The following BCHE variants were observed in gnomAD, a reference collection of about 807,000 sequenced individuals.
BCHE encodes butyrylcholinesterase.
A neutral mutation model predicts 51.3 loss-of-function variants in BCHE; 48 were observed. That is an observed-to-expected ratio of 0.94 (90% CI 0.74 to 1.19). BCHE has a LOEUF of 1.19. Ranked by LOEUF, BCHE falls within the 50% of genes most tolerant of loss-of-function variation. The probability of loss-of-function intolerance (pLI) is 0.00; values close to 1 mark genes in which losing one functional copy is unlikely to be tolerated. For synonymous variants in BCHE, 251 were observed against 238.0 expected (o/e 1.05, Z -0.50); for missense variants, 847 against 708.2 (o/e 1.20, Z -2.23).
At chr3:165,793,331 C>T (rs1412443748) in intron 2 of BCHE, among the ~76,000 whole-genome samples, 1 of 152,202 alleles carries the variant, frequency 6.6e-6, no homozygotes, top group Non-Finnish European at 1.5e-5. Context: ...CTATTCTCCT[C>T]CTACCATCTC....
At chr3:165,784,206 G>T (rs1171586290) in intron 3 of BCHE, among the ~76,000 whole-genome samples, 1 of 151,886 alleles carries the variant, frequency 6.6e-6, no homozygotes, top group Non-Finnish European at 1.5e-5. Flanking sequence ...AATATTTGAA[G>T]TTTTGTGACT....
At chr3:165,829,205 A>G (rs1449712275) in intron 2 of BCHE, among the ~76,000 whole-genome samples, 1 of 152,118 alleles carries the variant, frequency 6.6e-6, no homozygotes, top group African/African-American at 2.4e-5. Flanking sequence ...TTCTCACATT[A>G]ATTTTAGTTC....
Position 165,775,385 on chromosome 3 carries a change from G to C in BCHE, c.1685-1879C>G, listed in dbSNP as rs967414773. The stretch of plus-strand genomic sequence containing the variant: ...AATCACAATTTTTTGGTGAATAATA[G>C]AACTTCTATAAAGGGTCAAAAAAGA... On this transcript the variant is annotated intron_variant, in intron 3 of 3. Coordinates refer to ENST00000264381, the MANE Select transcript of BCHE (RefSeq NM_000055.4). 3.2e-4 allele frequency among the ~76,000 whole-genome samples: 49 copies of C among 151,806 alleles called. 1 individual carries two copies. Among genetic ancestry groups the C allele is most frequent in the Admixed American group, 3.1e-3 (47 of 15,242 alleles).
intron 2 of BCHE, 69 bp downstream of exon 2, chr3:165,829,448 G>A: frequency 7.6e-7 from 1 of 1,321,514 alleles, no homozygotes; most frequent in Non-Finnish European, 1.1e-6. Flanking sequence ...GTCTACCCCA[G>A]AGACCAAGCA....
intron 3 of BCHE, among the ~76,000 whole-genome samples, chr3:165,782,329 G>A (rs1162019737): frequency 1.3e-5 from 2 of 152,054 alleles, no homozygotes; most frequent in East Asian, 1.9e-4. Flanking sequence ...GTTTTGGGGA[G>A]ATAGAAAAGA....
chr3:165,773,608 A>G, intron 3 of BCHE, 102 bp from the exon 4 acceptor site: 3 of 893,148 alleles, frequency 3.4e-6, no homozygotes, highest in Non-Finnish European at 5.1e-6. Context: ...ACTACACAGT[A>G]CAGCATTATT....
intron 3 of BCHE, among the ~76,000 whole-genome samples, chr3:165,776,666 A>T (rs1418282266): frequency 1.3e-5 from 2 of 151,670 alleles, no homozygotes; most frequent in African/African-American, 2.4e-5. Flanking sequence ...TTTTATTATT[A>T]TTTTTTCTTC....
chr3:165,810,908 G>A (rs1356545729), intron 2 of BCHE, among the ~76,000 whole-genome samples: 1 of 152,110 alleles, frequency 6.6e-6, no homozygotes, highest in Non-Finnish European at 1.5e-5. Context: ...AAGAACAGAG[G>A]TTTGGCTCAA....
At chr3:165,792,416 A>C (rs1002719522) in intron 2 of BCHE, among the ~76,000 whole-genome samples, 13 of 152,322 alleles carry the variant, frequency 8.5e-5, no homozygotes, top group Admixed American at 6.5e-4. Context: ...TTATATGCTA[A>C]TAAAATAAAG....
intron 2 of BCHE, among the ~76,000 whole-genome samples, chr3:165,794,050 TA>T (rs1027099408): frequency 0.021 from 2,828 of 135,082 alleles, 68 homozygotes; most frequent in African/African-American, 0.064. Context: ...CCATCTCAAA[TA>T]AAAAAAAAAA....
chr3:165,794,851 A>G (rs1310486958), intron 2 of BCHE, among the ~76,000 whole-genome samples: 2 of 152,140 alleles, frequency 1.3e-5, no homozygotes, highest in Non-Finnish European at 2.9e-5. Flanking sequence ...TATCATTTAT[A>G]TAAAATTTTA....
intron 2 of BCHE, among the ~76,000 whole-genome samples, chr3:165,815,661 C>A (rs535045250): frequency 2.8e-4 from 43 of 152,002 alleles, no homozygotes; most frequent in Non-Finnish European, 5.6e-4. Context: ...TTTAGAATAT[C>A]CTGACTATAC....
chr3:165,806,755 T>A (rs1189729999), intron 2 of BCHE, among the ~76,000 whole-genome samples: 6 of 152,132 alleles, frequency 3.9e-5, no homozygotes, highest in African/African-American at 9.6e-5. Context: ...TATAGTTTTT[T>A]AAATCTGCCT....
Position 165,830,294 on chromosome 3 carries a change from CT to C in BCHE, c.739del (p.Arg247GlufsTer15). 1 of 1,614,014 alleles carries C rather than the reference CT, an allele frequency of 6.2e-7. No homozygotes were observed. Among genetic ancestry groups the C allele is most frequent in the Non-Finnish European group, 8.5e-7 (1 of 1,179,952 alleles). ...AAAGGATCCACTTTGCAGAATGGCTCTGGTGAACAATGAATGGCTTCCAGGA... is the reference window on the plus strand; with the variant it reads ...AAAGGATCCACTTTGCAGAATGGCTCGGTGAACAATGAATGGCTTCCAGGA... ...LSPGSHSLFT[R>X]AILQSGSFNA... On this transcript the variant is annotated frameshift_variant, in exon 2 of 4. Transcript: ENST00000264381. LOFTEE classifies it high-confidence loss of function.
At chr3:165,778,817 C>A (rs779452519) in intron 3 of BCHE, 31 of 339,004 alleles carry the variant, frequency 9.1e-5, no homozygotes, top group Non-Finnish European at 1.8e-4. Flanking sequence ...TCTTGTTATA[C>A]ATCTGATAAG....
chr3:165,804,518 A>G (rs555968613), intron 2 of BCHE, among the ~76,000 whole-genome samples: 38 of 152,308 alleles, frequency 2.5e-4, no homozygotes, highest in Middle Eastern at 3.4e-3. Context: ...GCAAGTCTAG[A>G]TGGGAGACAA....
At chr3:165,785,126 T>A (rs909283740) in intron 3 of BCHE, among the ~76,000 whole-genome samples, 1 of 151,836 alleles carries the variant, frequency 6.6e-6, no homozygotes, top group Non-Finnish European at 1.5e-5. Flanking sequence ...TATTAAGCAA[T>A]CAAATACAGC....
intron 3 of BCHE, among the ~76,000 whole-genome samples, chr3:165,774,523 A>T (rs893549620): frequency 9.2e-5 from 14 of 151,944 alleles, no homozygotes; most frequent in South Asian, 2.1e-4. Context: ...TTTGGTAGAG[A>T]TGGGGTTTCA....
chr3:165,829,766 T>C lies in BCHE; in HGVS notation c.1268A>G (p.Asp423Gly), dbSNP rs1576670985. Residue 423 changes from aspartate (D) to glycine (G), a missense_variant, in exon 2 of 4, where the codon GAT becomes GGT. Transcript: ENST00000264381. Reference sequence around the variant, plus strand: ...CAAGGCAGGGCATATGAAATTATAATCCCCAACAACATCACCCAAGGCCTC... The same window carrying C: ...CAAGGCAGGGCATATGAAATTATAACCCCCAACAACATCACCCAAGGCCTC... ...YREALGDVVGDYNFICPALEF... is the reference protein window; with the variant it reads ...YREALGDVVGGYNFICPALEF... 2.5e-6 allele frequency: 4 copies of C among 1,613,834 alleles called. No homozygotes were observed. Among genetic ancestry groups the C allele is most frequent in the Non-Finnish European group, 3.4e-6 (4 of 1,179,894 alleles).
Sources: allele counts gnomAD v4.1 joint callset (sites outside exome capture counted in the v4.1 genomes callset), GRCh38; gene constraint gnomAD v4.1.1; transcripts MANE v1.5; gene names NCBI Gene and HGNC (gene_info 2026-07-23, HGNC 2026-07-21).